Variants in UBE3D observed in about 807,000 individuals in gnomAD.
UBE3D encodes E3 ubiquitin-protein ligase E3D.
In UBE3D, 48 loss-of-function variants were observed where a neutral mutation model predicts 49.6. That is an observed-to-expected ratio of 0.97 (90% CI 0.77 to 1.23). The LOEUF (loss-of-function observed/expected upper bound fraction) is 1.23. UBE3D is among the 50% of genes most tolerant of loss of function. UBE3D has a pLI of 0.00. For missense variants in UBE3D, 452 were observed against 468.4 expected (o/e 0.96, Z 0.32); for synonymous variants, 189 against 174.2 (o/e 1.08, Z -0.67).
At chr6:83,041,701 A>G (rs1245051475) in intron 4 of UBE3D, among the ~76,000 whole-genome samples, 3 of 152,210 alleles carry the variant, frequency 2.0e-5, no homozygotes, top group Non-Finnish European at 2.9e-5. Context: ...AAAAAGACAC[A>G]CTTATGGATT....
chr6:82,883,900 C>T, the UBE3D span, among the ~76,000 whole-genome samples: 1 of 152,150 alleles, frequency 6.6e-6, no homozygotes, highest in Non-Finnish European at 1.5e-5. Flanking sequence ...ACAGTGCTAA[C>T]ACCTGAGATT....
chr6:83,046,056 C>G (rs1783004050), intron 3 of UBE3D, among the ~76,000 whole-genome samples: 1 of 152,064 alleles, frequency 6.6e-6, no homozygotes, highest in Non-Finnish European at 1.5e-5. Context: ...TGAAATGTAC[C>G]TTTCTCATCA....
At chr6:82,973,682 G>A (rs905385080) in intron 8 of UBE3D, among the ~76,000 whole-genome samples, 2 of 152,052 alleles carry the variant, frequency 1.3e-5, no homozygotes, top group Non-Finnish European at 2.9e-5. Flanking sequence ...TGGTTCCAAG[G>A]TATAAAAAAG....
At chr6:83,036,793 G>A (rs900545468) in intron 5 of UBE3D, 4 of 151,340 alleles carry the variant, frequency 2.6e-5, no homozygotes, top group South Asian at 2.1e-4. Flanking sequence ...CTATTCATAG[G>A]TGCAATAATA....
At position 83,065,722 on chromosome 6, in the gene UBE3D, A is replaced by G. The variant is rs754581808; in HGVS notation, c.-4T>C. 9.9e-6 allele frequency: 16 copies of G among 1,610,056 alleles called. No individual in the cohort carries two copies. Among genetic ancestry groups the G allele is most frequent in the East Asian group, 2.3e-5 (1 of 44,430 alleles). On this transcript the variant is annotated 5_prime_UTR_variant, in exon 1 of 10. Coordinates refer to ENST00000369747, the MANE Select transcript of UBE3D (RefSeq NM_198920.3). ...TCTCCGCCGCAGAAGCCGCCATGGC[A>G]GGCTTCCAGTCCCAGACCGGACCAA...
Position 83,064,167 on chromosome 6 carries a change from A to G in UBE3D, c.77+1475T>C, listed in dbSNP as rs913137957. ...GTATATATTGTATGAATCCATTTAT[A>G]AGTAGTTCAAGAAATGGCAAAACTA... On this transcript the variant is annotated intron_variant, in intron 1 of 9. Transcript: ENST00000369747. 7.2e-5 allele frequency among the ~76,000 whole-genome samples: 11 copies of G among 152,228 alleles called. No homozygotes were observed. In the East Asian group the frequency reaches 2.1e-3, roughly 29 times the overall value.
chr6:83,005,783 T>C (rs1779936811), intron 8 of UBE3D, among the ~76,000 whole-genome samples: 1 of 152,102 alleles, frequency 6.6e-6, no homozygotes, highest in African/African-American at 2.4e-5. Context: ...GATATATACA[T>C]ACCATGGAAT....
Position 83,065,811 on chromosome 6 carries a change from G to T in UBE3D, c.-93C>A. The T allele has an allele frequency of 1.5e-6, 2 of 1,322,180 alleles. No individual in the cohort carries two copies. The highest frequency in any genetic ancestry group is 4.3e-5 in the Admixed American group (2 of 46,110). The allele number at this position is 1,322,180 out of a possible 1,614,324, so 81.9% of individuals were successfully genotyped here. A position where few individuals can be genotyped will look rare whatever the true frequency, so the allele number is the denominator to read the frequency against. On this transcript the variant is annotated 5_prime_UTR_variant, in exon 1 of 10. In the 5' UTR this introduces an upstream ATG that the reference lacks. Transcript: ENST00000369747. ...AGAGGTTCCACGTGCGGACCAACCA[G>T]CGGCAGCCCCGCTGCGGCGCAGGCG...
chr6:82,995,396 T>TC (rs1779167403), intron 8 of UBE3D, among the ~76,000 whole-genome samples: 2 of 151,724 alleles, frequency 1.3e-5, no homozygotes, highest in African/African-American at 4.8e-5. Context: ...AATTTAAAAC[T>TC]TGTTTGTCAA....
chr6:82,955,867 C>T (rs1776122281), intron 9 of UBE3D, among the ~76,000 whole-genome samples: 2 of 152,300 alleles, frequency 1.3e-5, no homozygotes, highest in African/African-American at 4.8e-5. Context: ...TCTCAATTTC[C>T]TCTCCTACAA....
intron 4 of UBE3D, among the ~76,000 whole-genome samples, chr6:83,038,829 G>T (rs1782449202): frequency 6.6e-6 from 1 of 151,656 alleles, no homozygotes; most frequent in Non-Finnish European, 1.5e-5. Context: ...ACAAAGACAG[G>T]GTTGATGACT....
intron 9 of UBE3D, among the ~76,000 whole-genome samples, chr6:82,902,200 T>C (rs984978810): frequency 1.3e-5 from 2 of 152,222 alleles, no homozygotes; most frequent in African/African-American, 4.8e-5. Context: ...GAGGGGACTA[T>C]GAGAGTAGAG....
At chr6:82,972,534 CAT>C (rs1777427817) in intron 8 of UBE3D, among the ~76,000 whole-genome samples, 2 of 152,154 alleles carry the variant, frequency 1.3e-5, no homozygotes. Context: ...TGTGAAGTCA[CAT>C]GTCAATGTAA....
intron 3 of UBE3D, among the ~76,000 whole-genome samples, chr6:83,045,335 T>C (rs948787088): frequency 2.0e-5 from 3 of 152,180 alleles, no homozygotes; most frequent in East Asian, 1.9e-4. Flanking sequence ...GCATTAGTAA[T>C]AGGTAAAAGT....
chr6:82,964,288 G>T (rs1776754077), intron 8 of UBE3D, among the ~76,000 whole-genome samples: 1 of 152,156 alleles, frequency 6.6e-6, no homozygotes, highest in South Asian at 2.1e-4. Context: ...AAGAACCTGA[G>T]TAAATAGAAA....
chr6:82,968,316 C>T, intron 8 of UBE3D, among the ~76,000 whole-genome samples: 1 of 149,872 alleles, frequency 6.7e-6, no homozygotes, highest in South Asian at 2.2e-4. Flanking sequence ...CTCCCTATTT[C>T]CCCTGCCCCC....
intron 3 of UBE3D, among the ~76,000 whole-genome samples, chr6:83,052,937 G>A (rs2127839806): frequency 6.6e-6 from 1 of 152,326 alleles, no homozygotes; most frequent in African/African-American, 2.4e-5. Flanking sequence ...CTCAACTAAG[G>A]TAGAGGCACT....
At chr6:83,017,171 T>A (rs1233970996) in intron 8 of UBE3D, 1 of 152,194 alleles carries the variant, frequency 6.6e-6, no homozygotes, top group African/African-American at 2.4e-5. Flanking sequence ...ATTGATAATA[T>A]ATTCAATTCA....
Position 82,892,911 on chromosome 6 carries a change from T to C in UBE3D, c.*111A>G. Reference sequence around the variant, plus strand: ...ACTTCAATGCAATGCTCTTATCCCATAGCTCTGGTTCTTGTCTTTGTAATT... The same window carrying C: ...ACTTCAATGCAATGCTCTTATCCCACAGCTCTGGTTCTTGTCTTTGTAATT... On this transcript the variant is annotated 3_prime_UTR_variant, in exon 10 of 10. Transcript: ENST00000369747. The C allele has an allele frequency of 3.2e-6, 4 of 1,242,298 alleles. No individual in the cohort carries two copies. The highest frequency in any genetic ancestry group is 4.7e-6 in the Non-Finnish European group (4 of 844,636). 77.0% of individuals were successfully genotyped at this position (1,242,298 alleles called of 1,614,324 possible). A position where few individuals can be genotyped will look rare whatever the true frequency, so the allele number is the denominator to read the frequency against.
Sources: allele counts gnomAD v4.1 joint callset (sites outside exome capture counted in the v4.1 genomes callset), GRCh38; gene constraint gnomAD v4.1.1; transcripts MANE v1.5; gene names NCBI Gene and HGNC (gene_info 2026-07-23, HGNC 2026-07-21).